ZNF433: variants seen among roughly 807,000 people sequenced by gnomAD.
ZNF433 encodes zinc finger protein 433.
A neutral mutation model predicts 10.6 loss-of-function variants in ZNF433; 12 were observed. The ratio of observed to expected loss-of-function variants is 1.13; its 90% CI spans 0.72 to 1.83. The LOEUF (loss-of-function observed/expected upper bound fraction) is 1.83. Among genes scored for constraint, ZNF433 ranks in the 40% most tolerant of loss-of-function variants. The pLI is 0.00. For missense variants in ZNF433, 737 were observed against 798.0 expected, an observed-to-expected ratio of 0.92 and a Z score of 0.92; for synonymous variants, 272 against 271.3, an observed-to-expected ratio of 1.00 and a Z score of -0.02.
chr19:12,018,248 C>A lies in ZNF433; in HGVS notation c.48G>T (p.Glu16Asp). ...FEDVAVTFTQ[E>D]EWALLDPSQK... ...GGGAAGGATCCAGCAAAGCCCACTCCTCTTGGGTGAAGGTCACAGCCACAT... is the reference window on the plus strand; with the variant it reads ...GGGAAGGATCCAGCAAAGCCCACTCATCTTGGGTGAAGGTCACAGCCACAT... The change falls in exon 2 of 4, where the codon GAG becomes GAT. Residue 16 changes from glutamate (E) to aspartate (D), a missense_variant. Glu to Asp is a conservative substitution (Grantham distance 45, BLOSUM62 2). Coordinates refer to ENST00000550507, the MANE Select transcript of ZNF433 (RefSeq NM_001308348.2). 1 of 1,613,626 alleles carries A rather than the reference C, an allele frequency of 6.2e-7. No homozygotes were observed.
chr19:12,035,534 C>T lies in ZNF433; in HGVS notation c.3+3G>A, dbSNP rs1274391810. The T allele has an allele frequency of 2.5e-6, 4 of 1,573,614 alleles. No individual in the cohort carries two copies. In the Admixed American group the frequency reaches 5.5e-5, roughly 22 times the overall value. ...CCTCGGGACCCCTGGCCCGCACGCT[C>T]ACCATTTCTTGCCTTTCAGGTGACT... On this transcript the variant is annotated splice_donor_region_variant and intron_variant, in intron 1 of 3. Coordinates refer to ENST00000550507, the MANE Select transcript of ZNF433 (RefSeq NM_001308348.2).
Position 12,018,181 on chromosome 19 carries a change from T to G in ZNF433, c.115A>C (p.Asn39His). ...CRDVMQETFR[N>H]LASIGKKWKP... is the part of the protein sequence containing the mutation. ...TCACCCTTACCTATAGAGGCCAGGT[T>G]CCTGAAGGTTTCTTGCATCACATCT... The change falls in exon 2 of 4, where the codon AAC becomes CAC. Residue 39 changes from asparagine (N) to histidine (H), a missense_variant. Coordinates refer to ENST00000550507, the MANE Select transcript of ZNF433 (RefSeq NM_001308348.2). 1 of 1,602,428 alleles carries G rather than the reference T, an allele frequency of 6.2e-7. No homozygotes were observed.
intron 1 of ZNF433, chr19:12,023,693 C>T (rs1301289103): frequency 2.0e-5 from 3 of 152,056 alleles, no homozygotes; most frequent in Admixed American, 1.3e-4. Flanking sequence ...GTTGGTAAAG[C>T]CCCTGAAGTA....
chr19:12,015,084 A>C lies in ZNF433; in HGVS notation c.1774T>G (p.Cys592Gly), dbSNP rs751428041. 6.2e-7 allele frequency: 1 copy of C among 1,614,012 alleles called. No individual in the cohort carries two copies. The highest frequency in any genetic ancestry group is 1.7e-5 in the Admixed American group (1 of 60,004). Residue 592 changes from cysteine (C) to glycine (G), a missense_variant, in exon 4 of 4, where the codon TGT (cysteine) becomes GGT (glycine). Coordinates refer to ENST00000550507, the MANE Select transcript of ZNF433 (RefSeq NM_001308348.2). ...TGEKPYECKQ[C>G]GKSFGCASRL... ...GAGGCACATCCAAAAGACTTCCCAC[A>C]CTGCTTACATTCATAGGGTTTCTCT...
intron 1 of ZNF433, among the ~76,000 whole-genome samples, chr19:12,020,557 C>T (rs529770257): frequency 6.6e-6 from 1 of 152,154 alleles, no homozygotes; most frequent in Admixed American, 6.5e-5. Flanking sequence ...GACGTCCTTT[C>T]GAGAGAGGAG....
At chr19:12,032,889 A>G (rs1271789816) in intron 1 of ZNF433, among the ~76,000 whole-genome samples, 1 of 152,212 alleles carries the variant, frequency 6.6e-6, no homozygotes, top group Non-Finnish European at 1.5e-5. Context: ...TGAAGCTGCA[A>G]TAAGTGAACA....
intron 1 of ZNF433, among the ~76,000 whole-genome samples, chr19:12,029,582 T>C (rs1299271942): frequency 1.4e-5 from 2 of 140,880 alleles, no homozygotes; most frequent in African/African-American, 5.3e-5. Context: ...GACTAAGGGA[T>C]GTTAATGACA....
intron 3 of ZNF433, 63 bp from the exon 4 acceptor site, chr19:12,016,729 A>G (rs2145407856): frequency 6.4e-7 from 1 of 1,556,192 alleles, no homozygotes; most frequent in African/African-American, 1.4e-5. Flanking sequence ...ATTCATTCAC[A>G]AGTATTGCAC....
At chr19:12,033,443 C>T (rs1252065077) in intron 1 of ZNF433, among the ~76,000 whole-genome samples, 1 of 151,348 alleles carries the variant, frequency 6.6e-6, no homozygotes, top group African/African-American at 2.4e-5. Context: ...GGCATGAACC[C>T]GGGAGGTGGA....
At chr19:12,031,559 G>A (rs990511605) in intron 1 of ZNF433, among the ~76,000 whole-genome samples, 3 of 152,014 alleles carry the variant, frequency 2.0e-5, no homozygotes, top group Non-Finnish European at 4.4e-5. Flanking sequence ...CACAAGAATC[G>A]CTTGGACCCA....
intron 1 of ZNF433, among the ~76,000 whole-genome samples, chr19:12,021,766 C>CT (rs1321264135): frequency 4.6e-5 from 7 of 152,148 alleles, no homozygotes; most frequent in Admixed American, 2.0e-4. Context: ...AATAGGCTCT[C>CT]TCCCTGTGGG....
intron 1 of ZNF433, among the ~76,000 whole-genome samples, chr19:12,033,164 G>A (rs566005016): frequency 4.2e-4 from 64 of 151,888 alleles, no homozygotes; most frequent in Non-Finnish European, 5.0e-4. Flanking sequence ...TGCGATGTCC[G>A]CTCATTGCAG....
chr19:12,020,930 A>AC (rs1015362860), intron 1 of ZNF433, among the ~76,000 whole-genome samples: 4 of 150,188 alleles, frequency 2.7e-5, no homozygotes, highest in Admixed American at 6.6e-5. Flanking sequence ...AAAAAAAAAA[A>AC]CAGCACTAAG....
chr19:12,023,618 T>G (rs1974600707), intron 1 of ZNF433: 1 of 152,148 alleles, frequency 6.6e-6, no homozygotes. Flanking sequence ...GACATTTCCA[T>G]CATTTCTCTA....
At chr19:12,018,624 A>C (rs1320001818) in intron 1 of ZNF433, 1 of 189,626 alleles carries the variant, frequency 5.3e-6, no homozygotes. Flanking sequence ...CCTGTGCAGA[A>C]AAAGTTAACA....
Position 12,016,518 on chromosome 19 carries a change from A to C in ZNF433, c.340T>G (p.Ser114Ala). ...SVYGEVGSAH[S>A]SLNRHIRDDT... is the part of the protein sequence containing the mutation. Reference sequence around the variant, plus strand: ...TCTCTGATGTGCCTATTAAGAGATGAATGAGCACTGCCTACTTCTCCATAC... The same window carrying C: ...TCTCTGATGTGCCTATTAAGAGATGCATGAGCACTGCCTACTTCTCCATAC... The change falls in exon 4 of 4, where the codon TCA (serine) becomes GCA (alanine). Residue 114 changes from serine to alanine, a missense_variant. Coordinates refer to ENST00000550507, the MANE Select transcript of ZNF433 (RefSeq NM_001308348.2). The C allele has an allele frequency of 3.1e-6, 5 of 1,614,132 alleles. No individual in the cohort carries two copies. Among genetic ancestry groups the C allele is most frequent in the African/African-American group, 1.3e-5 (1 of 75,040 alleles).
chr19:12,015,672 A>G lies in ZNF433; in HGVS notation c.1186T>C (p.Cys396Arg). ...TGEKPYKCNQ[C>R]GKAFNSSSSF... ...CTGGAAGAATTAAAGGCTTTACCAC[A>G]TTGGTTGCATTTATAGGGTTTCTCT... The change falls in exon 4 of 4, where the codon TGT becomes CGT. Residue 396 changes from cysteine (C) to arginine (R), a missense_variant. Transcript: ENST00000550507. 3 of 1,613,874 alleles carry G rather than the reference A, an allele frequency of 1.9e-6. No individual in the cohort carries two copies. The highest frequency in any genetic ancestry group is 1.1e-5 in the South Asian group (1 of 91,042).
At chr19:12,022,415 CT>C (rs1974542329) in intron 1 of ZNF433, among the ~76,000 whole-genome samples, 1 of 152,174 alleles carries the variant, frequency 6.6e-6, no homozygotes, top group Non-Finnish European at 1.5e-5. Flanking sequence ...TGTCAGCCCC[CT>C]GATTTGCCAC....
At chr19:12,019,168 C>T (rs940420674) in intron 1 of ZNF433, among the ~76,000 whole-genome samples, 29 of 151,796 alleles carry the variant, frequency 1.9e-4, no homozygotes, top group African/African-American at 6.8e-4. Flanking sequence ...TGCCTGTAAC[C>T]CCACCACTTT....
Sources: allele counts gnomAD v4.1 joint callset (sites outside exome capture counted in the v4.1 genomes callset), GRCh38; gene constraint gnomAD v4.1.1; transcripts MANE v1.5; gene names NCBI Gene and HGNC (gene_info 2026-07-23, HGNC 2026-07-21).